BUB1B: variants seen among roughly 807,000 people sequenced by gnomAD.
The protein encoded by BUB1B is mitotic checkpoint serine/threonine-protein kinase BUB1 beta.
A neutral mutation model predicts 137.7 loss-of-function variants in BUB1B; 86 were observed. That is an observed-to-expected ratio of 0.62 (90% CI 0.52 to 0.75). BUB1B has a LOEUF of 0.75. Ranked by LOEUF, BUB1B falls within the 30% of genes least tolerant of loss-of-function variation. The probability of loss-of-function intolerance (pLI) is 0.00; values close to 1 mark genes in which losing one functional copy is unlikely to be tolerated. For missense variants in BUB1B, 1,130 were observed against 1,236.9 expected (o/e 0.91, Z 1.30); for synonymous variants, 420 against 417.9 (o/e 1.00, Z -0.06).
At position 40,209,755 on chromosome 15, in the gene BUB1B, T is replaced by C. The variant is rs372569297; in HGVS notation, c.2264T>C (p.Ile755Thr). The C allele has an allele frequency of 6.8e-6, 11 of 1,614,016 alleles. No individual in the cohort carries two copies. The African/African-American group carries it at 1.5e-4, about 22-fold the overall frequency. ...IEDRPMPKLE[I>T]EKEIELGNED... ...GACAGACCAATGCCTAAGTTGGAAA[T>C]TGAGAAGGAAATTGAATTAGGTAAG... Residue 755 changes from isoleucine (I) to threonine (T), a missense_variant, in exon 17 of 23, where the codon ATT (isoleucine) becomes ACT (threonine). Ile to Thr is a moderately conservative substitution (Grantham distance 89). Transcript: ENST00000287598.
At chr15:40,165,295 T>G in intron 2 of BUB1B, 99 bp downstream of exon 2, 1 of 1,524,862 alleles carries the variant, frequency 6.6e-7, no homozygotes, top group Non-Finnish European at 9.0e-7. Flanking sequence ...TGAGTACTTT[T>G]CAAAAATTGG....
chr15:40,172,394 A>G (rs746560080), intron 4 of BUB1B, among the ~76,000 whole-genome samples: 7 of 152,194 alleles, frequency 4.6e-5, no homozygotes, highest in African/African-American at 9.7e-5. Context: ...TTAATAGCCT[A>G]CTGTTGACCA....
intron 2 of BUB1B, chr15:40,166,367 T>G: frequency 2.3e-6 from 1 of 433,588 alleles, no homozygotes; most frequent in Non-Finnish European, 4.5e-6. Context: ...AGAGACGGAG[T>G]CTCGCTCTTT....
intron 8 of BUB1B, among the ~76,000 whole-genome samples, chr15:40,188,339 G>A (rs2037394337): frequency 6.6e-6 from 1 of 151,588 alleles, no homozygotes; most frequent in Admixed American, 6.6e-5. Flanking sequence ...CACCATGCCC[G>A]ACCTAAACTT....
At chr15:40,183,593 G>T in intron 5 of BUB1B, 121 bp from the exon 6 acceptor site, 1 of 861,050 alleles carries the variant, frequency 1.2e-6, no homozygotes, top group Admixed American at 2.0e-5. Flanking sequence ...TGTTCTTTGG[G>T]ATATTTCTGC....
chr15:40,164,370 G>A (rs985878282), intron 1 of BUB1B, among the ~76,000 whole-genome samples: 1 of 151,902 alleles, frequency 6.6e-6, no homozygotes, highest in Non-Finnish European at 1.5e-5. Context: ...CACGACCATG[G>A]GCGTGTACCA....
At position 40,161,242 on chromosome 15, in the gene BUB1B, G is replaced by A. The variant is rs2037039568; in HGVS notation, c.22G>A (p.Gly8Arg). 6.2e-7 allele frequency: 1 copy of A among 1,613,172 alleles called. No homozygotes were observed. The highest frequency in any genetic ancestry group is 2.2e-5 in the East Asian group (1 of 44,870). Residue 8 changes from glycine to arginine, a missense_variant, in exon 1 of 23, where the codon GGG (glycine) becomes AGG (arginine). Physicochemically the swap from Gly to Arg is moderately radical, Grantham distance 125. Coordinates refer to ENST00000287598, the MANE Select transcript of BUB1B (RefSeq NM_001211.6). ...CAGGATGGCGGCGGTGAAGAAGGAA[G>A]GGGGTGCTCTGAGGTAGGTACGGGA... MAAVKKE[G>R]GALSEAMSLE...
intron 5 of BUB1B, among the ~76,000 whole-genome samples, chr15:40,182,296 C>T (rs926346845): frequency 2.6e-5 from 4 of 152,198 alleles, no homozygotes; most frequent in Non-Finnish European, 5.9e-5. Context: ...GAAAGTTGGT[C>T]ACATTTTTCT....
At position 40,196,699 on chromosome 15, in the gene BUB1B, G is replaced by A. The variant is rs1333792633; in HGVS notation, c.1213G>A (p.Ala405Thr). Residue 405 changes from alanine to threonine, a missense_variant, in exon 9 of 23, where the codon GCA becomes ACA. Coordinates refer to ENST00000287598, the MANE Select transcript of BUB1B (RefSeq NM_001211.6). ...GATGTATTGTAAGGAGAAGATTTAT[G>A]CAGGAGTAGGGGAATTCTCCTTTGA... ...KMMYCKEKIY[A>T]GVGEFSFEEI... is the part of the protein sequence containing the mutation. The A allele has an allele frequency of 1.2e-5, 19 of 1,613,950 alleles. No homozygotes were observed. The highest frequency in any genetic ancestry group is 1.6e-5 in the Non-Finnish European group (19 of 1,179,948).
chr15:40,185,670 G>A (rs1309861322), intron 8 of BUB1B, 28 bp downstream of exon 8: 1 of 1,595,254 alleles, frequency 6.3e-7, no homozygotes, highest in Non-Finnish European at 8.6e-7. Context: ...ATATTTTGAA[G>A]TGGGAATTAT....
chr15:40,218,442 T>C lies in BUB1B; in HGVS notation c.2851-14T>C, dbSNP rs928776836. On this transcript the variant is annotated splice_polypyrimidine_tract_variant and intron_variant, in intron 21 of 22. Transcript: ENST00000287598. Reference sequence around the variant, plus strand: ...GAGAATTATTTTAGCTGATGGTGCTTTTTGTGATTTCAGGTAGACCTGTTT... The same window carrying C: ...GAGAATTATTTTAGCTGATGGTGCTCTTTGTGATTTCAGGTAGACCTGTTT... 7 of 1,593,860 alleles carry C rather than the reference T, an allele frequency of 4.4e-6. No homozygotes were observed. Among genetic ancestry groups the C allele is most frequent in the Non-Finnish European group, 6.0e-6 (7 of 1,162,186 alleles).
Position 40,199,619 on chromosome 15 carries a change from G to A in BUB1B, c.1293G>A (p.Glu431=). 6.2e-7 allele frequency: 1 copy of A among 1,613,642 alleles called. No individual in the cohort carries two copies. Among genetic ancestry groups the A allele is most frequent in the South Asian group, 1.1e-5 (1 of 91,068 alleles). ...AAGCAACTTTACTGTTTCTAGCCGA[G>A]CTATTGACCAGTGCAGAGAAGAGAG... ...RKKLKEQREA[E]LLTSAEKRAE... is the part of the protein sequence containing the mutation. The change falls in exon 10 of 23, where the codon GAG becomes GAA. Residue 431 remains glutamate (E), a synonymous_variant. Transcript: ENST00000287598.
chr15:40,169,609 CTTTT>C (rs893767898), intron 2 of BUB1B, among the ~76,000 whole-genome samples: 1 of 96,950 alleles, frequency 1.0e-5, no homozygotes, highest in Non-Finnish European at 2.1e-5. Flanking sequence ...TATTTCTATT[CTTTT>C]TTTTTTTTTT....
intron 5 of BUB1B, among the ~76,000 whole-genome samples, 157 bp downstream of exon 5, chr15:40,176,830 A>T (rs2037229880): frequency 6.6e-6 from 1 of 152,216 alleles, no homozygotes; most frequent in Non-Finnish European, 1.5e-5. Flanking sequence ...AATTTTATTT[A>T]TCATAGAGTA....
chr15:40,170,303 G>C (rs1291323355), intron 3 of BUB1B, 182 bp downstream of exon 3: 8 of 768,370 alleles, frequency 1.0e-5, no homozygotes, highest in Non-Finnish European at 1.5e-5. Context: ...GAAATTTCAA[G>C]TTTATGATGT....
At chr15:40,203,061 A>G (rs1221766207) in intron 14 of BUB1B, among the ~76,000 whole-genome samples, 1 of 152,238 alleles carries the variant, frequency 6.6e-6, no homozygotes, top group African/African-American at 2.4e-5. Flanking sequence ...CCAGGTATAT[A>G]CTCAAAATAA....
chr15:40,177,565 A>G (rs1211638468), intron 5 of BUB1B, among the ~76,000 whole-genome samples: 11 of 151,968 alleles, frequency 7.2e-5, no homozygotes, highest in Admixed American at 6.5e-5. Context: ...CTATTATTCT[A>G]TTTTTTCTAC....
chr15:40,186,430 CTTTTTTTTTTT>C lies in BUB1B; in HGVS notation c.1058+803_1058+813del, dbSNP rs769074759. On this transcript the variant is annotated intron_variant, in intron 8 of 22. Transcript: ENST00000287598. ...GTCTAATGCTTAACATTGCCTAGTTCTTTTTTTTTTTTTTTTTTTTTTTTTGAGATGGAGTC... is the reference window on the plus strand; with the variant it reads ...GTCTAATGCTTAACATTGCCTAGTTCTTTTTTTTTTTTTTGAGATGGAGTC... Among the ~76,000 whole-genome samples, 8 of 67,362 alleles carry C rather than the reference CTTTTTTTTTTT, an allele frequency of 1.2e-4. No individual in the cohort carries two copies. The South Asian group carries it at 3.5e-3, about 30-fold the overall frequency. 44.2% of individuals were successfully genotyped at this position (67,362 alleles called of 152,430 possible).
At chr15:40,205,350 G>A (rs1273555228) in intron 14 of BUB1B, among the ~76,000 whole-genome samples, 1 of 152,086 alleles carries the variant, frequency 6.6e-6, no homozygotes, top group Non-Finnish European at 1.5e-5. Flanking sequence ...TAATGATCTA[G>A]AAAATTAATC....
Sources: allele counts gnomAD v4.1 joint callset (sites outside exome capture counted in the v4.1 genomes callset), GRCh38; gene constraint gnomAD v4.1.1; transcripts MANE v1.5; gene names NCBI Gene and HGNC (gene_info 2026-07-23, HGNC 2026-07-21).